HS6ST3: variants seen among roughly 807,000 people sequenced by gnomAD.
The protein encoded by HS6ST3 is heparan sulfate 6-O-sulfotransferase 3.
Under a neutral mutation model 36.7 loss-of-function variants are expected in HS6ST3, and 12 were observed. That is an observed-to-expected ratio of 0.33 (90% CI 0.21 to 0.53). The LOEUF is 0.53. HS6ST3 is among the 20% of genes least tolerant of loss of function. The pLI is 0.95. For synonymous variants in HS6ST3, 240 were observed against 257.5 expected (o/e 0.93, Z 0.65); for missense variants, 584 against 640.9 (o/e 0.91, Z 0.96).
At chr13:96,676,982 A>T (rs750023082) in intron 1 of HS6ST3, among the ~76,000 whole-genome samples, 3 of 152,128 alleles carry the variant, frequency 2.0e-5, no homozygotes, top group Admixed American at 6.6e-5. Flanking sequence ...GTAAGTAGAG[A>T]AAAGTTGGCT....
chr13:96,115,020 G>A (rs1381059701), intron 1 of HS6ST3, among the ~76,000 whole-genome samples: 1 of 152,156 alleles, frequency 6.6e-6, no homozygotes, highest in Non-Finnish European at 1.5e-5. Context: ...CATAGGAATT[G>A]TTCTTCCTTG....
At chr13:96,107,477 C>T (rs2053847070) in intron 1 of HS6ST3, among the ~76,000 whole-genome samples, 1 of 152,002 alleles carries the variant, frequency 6.6e-6, no homozygotes, top group Non-Finnish European at 1.5e-5. Flanking sequence ...AGTTGGACCT[C>T]CTGGTGCTGT....
intron 1 of HS6ST3, among the ~76,000 whole-genome samples, chr13:96,124,344 G>A (rs984518638): frequency 6.6e-6 from 1 of 152,138 alleles, no homozygotes; most frequent in Non-Finnish European, 1.5e-5. Context: ...AGGCATTAAA[G>A]GTCCTTGTGG....
chr13:96,598,482 A>G (rs1027917421), intron 1 of HS6ST3, among the ~76,000 whole-genome samples: 1 of 151,912 alleles, frequency 6.6e-6, no homozygotes, highest in Non-Finnish European at 1.5e-5. Context: ...CATCTTGGCC[A>G]TTGTTGGTAT....
At chr13:96,366,854 C>G (rs1321290814) in intron 1 of HS6ST3, among the ~76,000 whole-genome samples, 3 of 152,168 alleles carry the variant, frequency 2.0e-5, no homozygotes, top group Non-Finnish European at 2.9e-5. Context: ...TTTCCCCATA[C>G]TGTTCTCATG....
At chr13:96,168,476 C>A (rs774665818) in intron 1 of HS6ST3, among the ~76,000 whole-genome samples, 1 of 151,970 alleles carries the variant, frequency 6.6e-6, no homozygotes, top group South Asian at 2.1e-4. Flanking sequence ...GTGGCCGGAG[C>A]AGGGGGATCC....
At chr13:96,657,829 A>G (rs780037529) in intron 1 of HS6ST3, among the ~76,000 whole-genome samples, 4 of 152,100 alleles carry the variant, frequency 2.6e-5, no homozygotes, top group South Asian at 4.1e-4. Context: ...TGAAATTACC[A>G]CCCAGGCAAT....
intron 1 of HS6ST3, among the ~76,000 whole-genome samples, chr13:96,652,482 A>C (rs1566421159): frequency 6.8e-6 from 1 of 146,688 alleles, no homozygotes; most frequent in African/African-American, 2.5e-5. Flanking sequence ...TTGCTTTCTC[A>C]TTTGTAATCT....
intron 1 of HS6ST3, among the ~76,000 whole-genome samples, chr13:96,487,446 C>G (rs368833546): frequency 6.6e-6 from 1 of 151,968 alleles, no homozygotes; most frequent in African/African-American, 2.4e-5. Context: ...AAATGCATCC[C>G]GCTTAAATTG....
intron 1 of HS6ST3, among the ~76,000 whole-genome samples, chr13:96,092,775 A>C (rs2053771098): frequency 6.6e-6 from 1 of 152,182 alleles, no homozygotes; most frequent in South Asian, 2.1e-4. Flanking sequence ...TTCTCCAAGA[A>C]TGAGCAAAAT....
At chr13:96,334,651 CAAG>C (rs1402340336) in intron 1 of HS6ST3, among the ~76,000 whole-genome samples, 2 of 152,002 alleles carry the variant, frequency 1.3e-5, no homozygotes, top group Non-Finnish European at 2.9e-5. Flanking sequence ...GTATGAGAGC[CAAG>C]AAGGAGGGTT....
chr13:96,712,233 T>A (rs1175410103), intron 1 of HS6ST3, among the ~76,000 whole-genome samples: 1 of 152,170 alleles, frequency 6.6e-6, no homozygotes, highest in Non-Finnish European at 1.5e-5. Flanking sequence ...AATGGTTGAA[T>A]CAAATGGAGG....
rs537910442 is a variant in HS6ST3 at position 96,735,225 on chromosome 13, GA to G, written c.708-97254del. Among the ~76,000 whole-genome samples, 985 of 137,930 alleles carry G rather than the reference GA, an allele frequency of 7.1e-3. 7 individuals are homozygous for G. Among genetic ancestry groups the G allele is most frequent in the African/African-American group, 0.021 (793 of 37,740 alleles). The allele number at this position is 137,930 out of a possible 152,430, so 90.5% of individuals were successfully genotyped here. A position where few individuals can be genotyped will look rare whatever the true frequency, so the allele number is the denominator to read the frequency against. ...TGATATATGATGGAAATCATCTAAA[GA>G]AAAAAAAAAAGAACGTACAAAATTT... On this transcript the variant is annotated intron_variant, in intron 1 of 1. Transcript: ENST00000376705.
chr13:96,105,813 T>C (rs539580026), intron 1 of HS6ST3, among the ~76,000 whole-genome samples: 4 of 152,350 alleles, frequency 2.6e-5, no homozygotes, highest in African/African-American at 9.6e-5. Context: ...CTGTGAAGAA[T>C]ACAAATTGAG....
At chr13:96,779,954 T>C (rs1375112266) in intron 1 of HS6ST3, among the ~76,000 whole-genome samples, 1 of 152,132 alleles carries the variant, frequency 6.6e-6, no homozygotes, top group African/African-American at 2.4e-5. Context: ...GGCATGATTA[T>C]TTTTAAAAGC....
chr13:96,655,704 A>G (rs2056622330), intron 1 of HS6ST3, among the ~76,000 whole-genome samples: 1 of 152,130 alleles, frequency 6.6e-6, no homozygotes, highest in African/African-American at 2.4e-5. Context: ...AAACAAAGTC[A>G]CCAAATTCCT....
intron 1 of HS6ST3, among the ~76,000 whole-genome samples, chr13:96,634,691 G>A (rs1429387894): frequency 2.0e-5 from 3 of 152,014 alleles, no homozygotes; most frequent in South Asian, 4.2e-4. Context: ...CTGAGCCTCC[G>A]GGAACTCTCA....
At chr13:96,436,182 T>A (rs1262902911) in intron 1 of HS6ST3, among the ~76,000 whole-genome samples, 3 of 152,210 alleles carry the variant, frequency 2.0e-5, no homozygotes, top group African/African-American at 7.2e-5. Context: ...TAAGAAAAAG[T>A]CTTTTCACCA....
At chr13:96,161,153 T>G (rs905334729) in intron 1 of HS6ST3, among the ~76,000 whole-genome samples, 16 of 152,302 alleles carry the variant, frequency 1.1e-4, no homozygotes, top group African/African-American at 3.8e-4. Flanking sequence ...GCTTGAAATA[T>G]GGCAAGAAAT....
Sources: allele counts gnomAD v4.1 joint callset (sites outside exome capture counted in the v4.1 genomes callset), GRCh38; gene constraint gnomAD v4.1.1; transcripts MANE v1.5; gene names NCBI Gene and HGNC (gene_info 2026-07-23, HGNC 2026-07-21).